Variants in PHF13 observed in about 807,000 individuals in gnomAD.
PHF13 encodes the protein PHD finger protein 13.
PHF13 carries 1 observed loss-of-function variant against 25.8 expected under a neutral mutation model. That is an observed-to-expected ratio of 0.04 (90% CI 0.01 to 0.18). PHF13 has a LOEUF of 0.18. Ranked by LOEUF, PHF13 falls within the 10% of genes least tolerant of loss-of-function variation. The pLI is 1.00. For missense variants in PHF13, 306 were observed against 403.2 expected, an observed-to-expected ratio of 0.76 and a Z score of 2.06; for synonymous variants, 195 against 162.4, an observed-to-expected ratio of 1.20 and a Z score of -1.53.
intron 1 of PHF13, among the ~76,000 whole-genome samples, chr1:6,615,506 C>T (rs1259841693): frequency 2.0e-5 from 3 of 152,116 alleles, no homozygotes; most frequent in East Asian, 3.9e-4. Context: ...GCGGGCCGCA[C>T]GCCTGCTCCT....
Position 6,620,298 on chromosome 1 carries a change from G to C in PHF13, c.637G>C (p.Asp213His), listed in dbSNP as rs779873286. Residue 213 changes from aspartate to histidine, a missense_variant, in exon 3 of 4, where the codon GAC (aspartate) becomes CAC (histidine). Physicochemically the swap from Asp to His is moderately conservative, Grantham distance 81. Around this residue, in one of 5 missense-constraint regions of PHF13, gnomAD observed 13 missense variants for 67.7 expected, o/e 0.19. Transcript: ENST00000377648. ...AAAGCAGGTGGTGTTCCGAGATGAGGACAGCACTGGCAATGATGAGGACAT... is the reference window on the plus strand; with the variant it reads ...AAAGCAGGTGGTGTTCCGAGATGAGCACAGCACTGGCAATGATGAGGACAT... ...QGKQVVFRDE[D>H]STGNDEDIMV... is the part of the protein sequence containing the mutation. 3.1e-6 allele frequency: 5 copies of C among 1,613,518 alleles called. No individual in the cohort carries two copies. The highest frequency in any genetic ancestry group is 2.7e-5 in the African/African-American group (2 of 74,926).
rs116985105 is a variant in PHF13 at position 6,616,842 on chromosome 1, T to G, written c.125T>G (p.Ile42Ser). ...TTTGTCTTGGCCTATGCTGGCTACA[T>G]CCCTTATCCGAAGGAGGTAATCTTC... ...CTFVLAYAGY[I>S]PYPKEELPLR... Residue 42 changes from isoleucine to serine, a missense_variant, in exon 2 of 4, where the codon ATC becomes AGC. Ile to Ser is a moderately radical substitution (Grantham distance 142). This residue lies in a region of PHF13 where 36 missense variants were observed against 76.0 expected (regional missense o/e 0.47). Coordinates refer to ENST00000377648, the MANE Select transcript of PHF13 (RefSeq NM_153812.3). 29 of 1,613,952 alleles carry G rather than the reference T, an allele frequency of 1.8e-5. No homozygotes were observed. The East Asian group carries it at 6.0e-4, about 33-fold the overall frequency.
chr1:6,616,779 G>A lies in PHF13; in HGVS notation c.62G>A (p.Arg21Lys), dbSNP rs772942562. The change falls in exon 2 of 4, where the codon AGG becomes AAG. Residue 21 changes from arginine to lysine, a missense_variant. Physicochemically the swap from Arg to Lys is conservative, Grantham distance 26 (BLOSUM62 2). Around this residue, in one of 5 missense-constraint regions of PHF13, gnomAD observed 36 missense variants for 76.0 expected, o/e 0.47. Coordinates refer to ENST00000377648, the MANE Select transcript of PHF13 (RefSeq NM_153812.3). ...TAGGAATACTCCCCCAGTTGCAAGA[G>A]GCGCAGGACCGTGGAAGACTTCAAC... ...HPEEYSPSCKRRRTVEDFNKF... is the reference protein window; with the variant it reads ...HPEEYSPSCKKRRTVEDFNKF... 281 of 1,614,026 alleles carry A rather than the reference G, an allele frequency of 1.7e-4. 4 individuals are homozygous for A. In the Admixed American group the frequency reaches 4.6e-3, roughly 26 times the overall value.
Position 6,619,830 on chromosome 1 carries a change from C to T in PHF13, c.169C>T (p.Pro57Ser), listed in dbSNP as rs1480471898. 2 of 1,610,744 alleles carry T rather than the reference C, an allele frequency of 1.2e-6. No individual in the cohort carries two copies. Among genetic ancestry groups the T allele is most frequent in the Admixed American group, 1.7e-5 (1 of 59,702 alleles). Residue 57 changes from proline (P) to serine (S), a missense_variant, in exon 3 of 4, where the codon CCT (proline) becomes TCT (serine). This residue lies in a region of PHF13 where 36 missense variants were observed against 76.0 expected (regional missense o/e 0.47). Coordinates refer to ENST00000377648, the MANE Select transcript of PHF13 (RefSeq NM_153812.3). ...EELPLRSSPS[P>S]ANSTAGTIDS... ...ACTCCCTTTAAGGAGCAGCCCCAGC[C>T]CTGCTAACAGCACTGCTGGTACCAT...
rs933222208 is a variant in PHF13 at position 6,623,685 on chromosome 1, T to C, written c.*2048T>C. On this transcript the variant is annotated 3_prime_UTR_variant, in exon 4 of 4. Transcript: ENST00000377648. ...CATTTTTGTTCTTTTAGCAGATCTG[T>C]CCCTGTGGGTGGTGTCTAAGAAGTC... 1 of 152,692 alleles carries C rather than the reference T, an allele frequency of 6.5e-6. No homozygotes were observed. Among genetic ancestry groups the C allele is most frequent in the Non-Finnish European group, 1.5e-5 (1 of 68,062 alleles). The allele number at this position is 152,692 out of a possible 1,614,324, so 9.5% of individuals were successfully genotyped here.
At chr1:6,616,072 C>T (rs1641256421) in intron 1 of PHF13, among the ~76,000 whole-genome samples, 1 of 140,540 alleles carries the variant, frequency 7.1e-6, no homozygotes. Flanking sequence ...CTCTGTCTAC[C>T]GGGCTGGAGT....
chr1:6,616,974 TGTG>T (rs1230128687), intron 2 of PHF13, 116 bp downstream of exon 2: 4 of 777,778 alleles, frequency 5.1e-6, no homozygotes, highest in Admixed American at 2.1e-5. Context: ...AGGGGCTGCT[TGTG>T]GTGACCCCAG....
chr1:6,621,135 C>G lies in PHF13; in HGVS notation c.677-276C>G, dbSNP rs1641332914. Among the ~76,000 whole-genome samples, 1 of 150,712 alleles carries G rather than the reference C, an allele frequency of 6.6e-6. No individual in the cohort carries two copies. The highest frequency in any genetic ancestry group is 1.5e-5 in the Non-Finnish European group (1 of 67,844). ...ATGGCTTGACTGCAGGAGTTTGAGG[C>G]TGCAGTGAGGTATGATTGCACCACT... On this transcript the variant is annotated intron_variant, in intron 3 of 3. Transcript: ENST00000377648. This position sits in a 1 kb window ranked among gnomAD's most constrained non-coding sequence, Gnocchi z 4.8.
rs923630161 is a variant in PHF13, at chr1:6,622,557, C to T, written c.*920C>T. 3 of 152,320 alleles carry T rather than the reference C, an allele frequency of 2.0e-5. No homozygotes were observed. Among genetic ancestry groups the T allele is most frequent in the African/African-American group, 4.8e-5 (2 of 41,424 alleles). The allele number at this position is 152,320 out of a possible 1,614,324, so 9.4% of individuals were successfully genotyped here. A position where few individuals can be genotyped will look rare whatever the true frequency, so the allele number is the denominator to read the frequency against. On this transcript the variant is annotated 3_prime_UTR_variant, in exon 4 of 4. Coordinates refer to ENST00000377648, the MANE Select transcript of PHF13 (RefSeq NM_153812.3). ...TAAAGGTTAGGCAATCACTGGGACC[C>T]GCATGGTGTTCCTCCAAAGAATAGG...
At chr1:6,614,220 C>T (rs1641217292) in intron 1 of PHF13, 115 bp downstream of exon 1, 3 of 793,978 alleles carry the variant, frequency 3.8e-6, no homozygotes, top group East Asian at 3.3e-5. Flanking sequence ...CCCCCGCTTT[C>T]CCCTCGTCGG....
intron 1 of PHF13, among the ~76,000 whole-genome samples, chr1:6,615,602 C>T (rs1391875769): frequency 6.6e-6 from 1 of 152,208 alleles, no homozygotes; most frequent in Admixed American, 6.5e-5. Flanking sequence ...GTAACAGCAC[C>T]TCGGGAAGGA....
At chr1:6,617,205 A>ACCT (rs1641275123) in intron 2 of PHF13, among the ~76,000 whole-genome samples, 1 of 149,734 alleles carries the variant, frequency 6.7e-6, no homozygotes, top group Admixed American at 6.7e-5. Flanking sequence ...TCCTGCCTCA[A>ACCT]CCTCCTCAGT....
In PHF13 at chr1:6,621,722, C is replaced by A; in HGVS notation, c.*85C>A. The stretch of plus-strand genomic sequence containing the variant: ...CCTTCTCTTAGTTGAGCACAGAACC[C>A]TCAGCTCTGGTGCGGGCAGATCCCT... On this transcript the variant is annotated 3_prime_UTR_variant, in exon 4 of 4. Coordinates refer to ENST00000377648, the MANE Select transcript of PHF13 (RefSeq NM_153812.3). The surrounding 1 kb of genome is among the most constrained non-coding windows in gnomAD (Gnocchi z 4.8). 7.3e-7 allele frequency: 1 copy of A among 1,368,302 alleles called. No homozygotes were observed. The highest frequency in any genetic ancestry group is 2.4e-5 in the East Asian group (1 of 42,090). The allele number at this position is 1,368,302 out of a possible 1,614,324, so 84.8% of individuals were successfully genotyped here.
At chr1:6,619,697 G>A in intron 2 of PHF13, 106 bp from the exon 3 acceptor site, 5 of 1,165,998 alleles carry the variant, frequency 4.3e-6, no homozygotes, top group Non-Finnish European at 4.9e-6. Flanking sequence ...GCTCAAAGTT[G>A]TGCAGATGTC....
chr1:6,615,254 C>G (rs1002042124), intron 1 of PHF13, among the ~76,000 whole-genome samples: 1 of 152,106 alleles, frequency 6.6e-6, no homozygotes, highest in Non-Finnish European at 1.5e-5. Flanking sequence ...GGGTTTTTGA[C>G]CCACTTCTGC....
chr1:6,613,961 TCCGCCCTCGCCCTGCGCAG>T lies in PHF13; in HGVS notation c.-99_-81del. ...TCCAGCCCGGGCGACCCCTCCCGGGTCCGCCCTCGCCCTGCGCAGCCGCCCGAGCCCCCAGCCCCGGGCG... is the reference window on the plus strand; with the variant it reads ...TCCAGCCCGGGCGACCCCTCCCGGGTCCGCCCGAGCCCCCAGCCCCGGGCG... On this transcript the variant is annotated 5_prime_UTR_variant, in exon 1 of 4. Coordinates refer to ENST00000377648, the MANE Select transcript of PHF13 (RefSeq NM_153812.3). The T allele has an allele frequency of 2.9e-6, 2 of 686,314 alleles. No homozygotes were observed. Among genetic ancestry groups the T allele is most frequent in the South Asian group, 1.9e-5 (1 of 53,672 alleles). The allele number at this position is 686,314 out of a possible 1,614,324, so 42.5% of individuals were successfully genotyped here.
In PHF13 at chr1:6,614,008, C is replaced by G. The variant is rs1641210794; in HGVS notation, c.-59C>G. On this transcript the variant is annotated 5_prime_UTR_variant, in exon 1 of 4. Coordinates refer to ENST00000377648, the MANE Select transcript of PHF13 (RefSeq NM_153812.3). ...GCCCGAGCCCCCAGCCCCGGGCGGCCCCGCTCCAGCATCCCAGCTCCTGCA... is the reference window on the plus strand; with the variant it reads ...GCCCGAGCCCCCAGCCCCGGGCGGCGCCGCTCCAGCATCCCAGCTCCTGCA... 1 of 1,425,944 alleles carries G rather than the reference C, an allele frequency of 7.0e-7. No individual in the cohort carries two copies. Among genetic ancestry groups the G allele is most frequent in the Non-Finnish European group, 9.6e-7 (1 of 1,038,808 alleles). 88.3% of individuals were successfully genotyped at this position (1,425,944 alleles called of 1,614,324 possible).
chr1:6,619,820 C>T lies in PHF13; in HGVS notation c.159C>T (p.Ser53=), dbSNP rs778910557. ...CTTTTTAGGAACTCCCTTTAAGGAGCAGCCCCAGCCCTGCTAACAGCACTG... is the reference window on the plus strand; with the variant it reads ...CTTTTTAGGAACTCCCTTTAAGGAGTAGCCCCAGCCCTGCTAACAGCACTG... ...PYPKEELPLR[S]SPSPANSTAG... Residue 53 remains serine (S), a synonymous_variant, in exon 3 of 4, where the codon AGC becomes AGT. Coordinates refer to ENST00000377648, the MANE Select transcript of PHF13 (RefSeq NM_153812.3). 3.4e-5 allele frequency: 55 copies of T among 1,602,052 alleles called. No individual in the cohort carries two copies. Among genetic ancestry groups the T allele is most frequent in the Non-Finnish European group, 3.9e-5 (46 of 1,173,750 alleles).
intron 2 of PHF13, among the ~76,000 whole-genome samples, chr1:6,617,179 C>T (rs1040854356): frequency 2.7e-5 from 4 of 149,462 alleles, no homozygotes; most frequent in Non-Finnish European, 5.9e-5. Context: ...ACTCCACCCC[C>T]GGGTTCAAGG....
Sources: gnomAD v4.1 joint callset for allele counts (sites outside exome capture counted in the v4.1 genomes callset) on GRCh38, gnomAD v4.1.1 for gene constraint, gnomAD v4.1.1 regional missense constraint, Gnocchi (gnomAD v3.1) non-coding constraint, MANE v1.5 for transcripts, NCBI Gene and HGNC (gene_info 2026-07-23, HGNC 2026-07-21) for gene names.